The following UBAP2 variants were observed in gnomAD, a reference collection of about 807,000 sequenced individuals.
UBAP2 encodes the protein ubiquitin-associated protein 2.
In UBAP2, 75 loss-of-function variants were observed where a neutral mutation model predicts 139.6. That is an observed-to-expected ratio of 0.54 (90% CI 0.45 to 0.65). The LOEUF is 0.65. Among genes scored for constraint, UBAP2 ranks in the 30% least tolerant of loss-of-function variants. The pLI is 0.00. For missense variants in UBAP2, 1,368 were observed against 1,369.6 expected, an observed-to-expected ratio of 1.00 and a Z score of 0.02; for synonymous variants, 526 against 526.2, an observed-to-expected ratio of 1.00 and a Z score of 0.01.
intron 16 of UBAP2, among the ~76,000 whole-genome samples, chr9:33,940,596 T>C (rs1329362283): frequency 6.6e-6 from 1 of 152,166 alleles, no homozygotes; most frequent in East Asian, 1.9e-4. Flanking sequence ...CTGGGCAACA[T>C]GGTGATACCC....
intron 12 of UBAP2, among the ~76,000 whole-genome samples, chr9:33,952,060 T>G (rs1170111980): frequency 2.0e-5 from 3 of 152,166 alleles, no homozygotes; most frequent in Admixed American, 6.5e-5. Flanking sequence ...TAGAAAATAC[T>G]AAGGAAAAGT....
At chr9:34,006,234 A>G (rs1268264222) in intron 2 of UBAP2, among the ~76,000 whole-genome samples, 1 of 151,436 alleles carries the variant, frequency 6.6e-6, no homozygotes, top group African/African-American at 2.4e-5. Flanking sequence ...ACTCATCTCA[A>G]AAAGAAAAAA....
chr9:33,996,238 T>A lies in UBAP2; in HGVS notation c.273A>T (p.Glu91Asp), dbSNP rs1328311017. ...TAATACTTACTGTGTCTGAATTCCC[T>A]TCCAGCAATATATTGATAGCTTTGT... ...DVNKAINILLEGNSDTTSWET... is the reference protein window; with the variant it reads ...DVNKAINILLDGNSDTTSWET... Residue 91 changes from glutamate (E) to aspartate (D), a missense_variant, in exon 4 of 29, where the codon GAA (glutamate) becomes GAT (aspartate). Coordinates refer to ENST00000379238, the MANE Select transcript of UBAP2 (RefSeq NM_001370062.2). 1 of 1,611,754 alleles carries A rather than the reference T, an allele frequency of 6.2e-7. No individual in the cohort carries two copies. Among genetic ancestry groups the A allele is most frequent in the South Asian group, 1.1e-5 (1 of 90,890 alleles).
At chr9:34,006,374 C>T (rs1823218806) in intron 2 of UBAP2, among the ~76,000 whole-genome samples, 1 of 151,948 alleles carries the variant, frequency 6.6e-6, no homozygotes, top group Admixed American at 6.6e-5. Flanking sequence ...ATGCTTTGCG[C>T]AAGAAAAAAT....
intron 11 of UBAP2, among the ~76,000 whole-genome samples, chr9:33,954,301 C>CACACACATAT (rs1554682975): frequency 1.4e-5 from 2 of 146,646 alleles, no homozygotes; most frequent in Non-Finnish European, 3.0e-5. Flanking sequence ...CACACACACA[C>CACACACATAT]GCCCATATAA....
chr9:34,011,626 C>T, intron 2 of UBAP2: 1 of 987,234 alleles, frequency 1.0e-6, no homozygotes, highest in South Asian at 4.7e-5. Context: ...AGGGAAGTTA[C>T]CAGGCTGAGC....
chr9:33,987,760 C>G (rs1056568900), intron 5 of UBAP2, among the ~76,000 whole-genome samples: 1 of 152,184 alleles, frequency 6.6e-6, no homozygotes, highest in Non-Finnish European at 1.5e-5. Context: ...CATTATGCAA[C>G]TACGTTAATG....
intron 5 of UBAP2, among the ~76,000 whole-genome samples, chr9:33,988,198 C>A (rs1253726971): frequency 1.3e-5 from 2 of 151,942 alleles, no homozygotes; most frequent in African/African-American, 4.8e-5. Context: ...TCCCATTTGA[C>A]CTTCATTAAA....
chr9:33,934,196 G>A (rs307650), intron 17 of UBAP2: 6,217 of 158,610 alleles, frequency 0.039, 270 homozygotes, highest in African/African-American at 0.099. Context: ...CAAATGCACA[G>A]TGAGCATTTC....
intron 2 of UBAP2, chr9:34,011,537 G>A (rs1823751787): frequency 1.3e-6 from 1 of 760,708 alleles, no homozygotes; most frequent in Non-Finnish European, 1.6e-6. Flanking sequence ...AATACCCTGA[G>A]TCAAGAAAAA....
intron 1 of UBAP2, among the ~76,000 whole-genome samples, chr9:34,030,697 C>T (rs542301855): frequency 6.6e-6 from 1 of 152,174 alleles, no homozygotes; most frequent in African/African-American, 2.4e-5. Flanking sequence ...GAGGCCCGGG[C>T]GCATGGATCA....
chr9:33,979,041 C>A (rs1417681966), intron 6 of UBAP2, among the ~76,000 whole-genome samples: 1 of 152,158 alleles, frequency 6.6e-6, no homozygotes, highest in Non-Finnish European at 1.5e-5. Context: ...AGTTCAAGAC[C>A]AGCCTGGGCA....
Position 33,927,007 on chromosome 9 carries a change from TCCTCCGGGA to T in UBAP2, c.2436_2444del (p.Pro813_Gly815del). The stretch of plus-strand genomic sequence containing the variant: ...CACTCACCGGGTAGGCAGGAAGCAG[TCCTCCGGGA>T]CCTACGAGGTACTGGTTGTGCAGCA... On this transcript the variant is annotated inframe_deletion, in exon 21 of 29. Transcript: ENST00000379238. 6.2e-7 allele frequency: 1 copy of T among 1,613,978 alleles called. No individual in the cohort carries two copies. The highest frequency in any genetic ancestry group is 2.2e-5 in the East Asian group (1 of 44,872).
At chr9:34,016,364 C>CGGTGGTGGTGGT (rs1564064359) in intron 2 of UBAP2, among the ~76,000 whole-genome samples, 2 of 39,614 alleles carry the variant, frequency 5.0e-5, no homozygotes, top group African/African-American at 1.0e-4. Flanking sequence ...GCAGCGGCGG[C>CGGTGGTGGTGGT]AGCGGCGGTG....
At chr9:34,001,301 G>C (rs1016410258) in intron 2 of UBAP2, among the ~76,000 whole-genome samples, 2 of 152,192 alleles carry the variant, frequency 1.3e-5, no homozygotes, top group Non-Finnish European at 2.9e-5. Flanking sequence ...ACATACTAGG[G>C]TAGCCTCCTA....
chr9:34,037,005 T>C (rs1826473773), intron 1 of UBAP2, among the ~76,000 whole-genome samples: 1 of 146,092 alleles, frequency 6.8e-6, no homozygotes, highest in Non-Finnish European at 1.5e-5. Flanking sequence ...TTTTTTTTTT[T>C]TTTGAGAGAG....
At chr9:34,018,642 C>G (rs534372696) in intron 1 of UBAP2, among the ~76,000 whole-genome samples, 2 of 152,118 alleles carry the variant, frequency 1.3e-5, no homozygotes, top group African/African-American at 4.8e-5. Context: ...GGCGGGAGGA[C>G]CACAAGGTCA....
chr9:33,961,840 T>C (rs907892489), intron 9 of UBAP2, among the ~76,000 whole-genome samples: 2 of 152,184 alleles, frequency 1.3e-5, no homozygotes, highest in Admixed American at 6.5e-5. Flanking sequence ...AACAGCCAAA[T>C]AACTGACCTC....
chr9:33,956,210 C>T, intron 10 of UBAP2, 64 bp from the exon 11 acceptor site: 1 of 1,225,694 alleles, frequency 8.2e-7, no homozygotes, highest in Non-Finnish European at 1.2e-6. Context: ...ACACTGACTT[C>T]CTGATCATTT....
Sources: gnomAD v4.1 joint callset for allele counts (sites outside exome capture counted in the v4.1 genomes callset) on GRCh38, gnomAD v4.1.1 for gene constraint, MANE v1.5 for transcripts, NCBI Gene and HGNC (gene_info 2026-07-23, HGNC 2026-07-21) for gene names.